Variants in RBFOX1 observed in about 807,000 individuals in gnomAD.
RBFOX1 encodes RNA binding protein fox-1 homolog 1.
Under a neutral mutation model 57.7 loss-of-function variants are expected in RBFOX1, and 8 were observed. The ratio of observed to expected loss-of-function variants is 0.14; its 90% CI spans 0.08 to 0.25. RBFOX1 has a LOEUF of 0.25. RBFOX1 is among the 10% of genes least tolerant of loss of function. The pLI is 1.00. For synonymous variants in RBFOX1, 326 were observed against 222.4 expected (o/e 1.47, Z -4.15); for missense variants, 611 against 548.5 (o/e 1.11, Z -1.14).
intron 4 of RBFOX1, among the ~76,000 whole-genome samples, chr16:6,012,160 A>G (rs557130137): frequency 1.3e-5 from 2 of 152,358 alleles, no homozygotes; most frequent in South Asian, 4.1e-4. Context: ...TTAATTGCTT[A>G]CTACCTTGGC....
intron 1 of RBFOX1, among the ~76,000 whole-genome samples, chr16:6,233,134 G>A (rs1185248832): frequency 5.3e-5 from 8 of 152,168 alleles, no homozygotes; most frequent in Admixed American, 4.6e-4. Flanking sequence ...GCTGGAAAGT[G>A]GGTATGAGCC....
At chr16:5,847,869 G>C (rs1384643497) in intron 3 of RBFOX1, among the ~76,000 whole-genome samples, 1 of 151,914 alleles carries the variant, frequency 6.6e-6, no homozygotes, top group Non-Finnish European at 1.5e-5. Context: ...GACTATGTTA[G>C]TCATTAGCAT....
chr16:7,192,856 A>T (rs186074337), intron 4 of RBFOX1, among the ~76,000 whole-genome samples: 1 of 152,342 alleles, frequency 6.6e-6, no homozygotes, highest in East Asian at 1.9e-4. Context: ...CGGAAGATGA[A>T]GTCCGAGGAT....
chr16:7,287,368 G>C (rs868769467), intron 4 of RBFOX1, among the ~76,000 whole-genome samples: 8 of 152,166 alleles, frequency 5.3e-5, no homozygotes, highest in Non-Finnish European at 7.3e-5. Context: ...GGATTCCATG[G>C]AGAGCAGCAG....
chr16:6,643,247 G>C (rs958368104), intron 2 of RBFOX1, among the ~76,000 whole-genome samples: 4 of 152,174 alleles, frequency 2.6e-5, no homozygotes, highest in African/African-American at 7.2e-5. Flanking sequence ...GGTGCTTTCG[G>C]TATTTTTTGC....
intron 14 of RBFOX1, among the ~76,000 whole-genome samples, chr16:7,706,253 T>C (rs2082400934): frequency 1.3e-5 from 2 of 152,212 alleles, no homozygotes; most frequent in South Asian, 2.1e-4. Flanking sequence ...TCTTTTCCTC[T>C]GGGGAAATGA....
At chr16:5,944,987 A>AAAAAAAAG (rs1555453186) in intron 4 of RBFOX1, among the ~76,000 whole-genome samples, 64 of 97,028 alleles carry the variant, frequency 6.6e-4, no homozygotes, top group Non-Finnish European at 1.1e-3. Flanking sequence ...AAAAAAAAAA[A>AAAAAAAAG]AGAGAGAGAG....
chr16:7,311,478 C>CCTT (rs1555696042), intron 4 of RBFOX1, among the ~76,000 whole-genome samples: 1 of 122,522 alleles, frequency 8.2e-6, no homozygotes. Flanking sequence ...TGAGCCTTTT[C>CCTT]TTTTTTTTTT....
intron 4 of RBFOX1, among the ~76,000 whole-genome samples, chr16:7,157,963 A>G (rs2077485541): frequency 6.6e-6 from 1 of 152,204 alleles, no homozygotes; most frequent in African/African-American, 2.4e-5. Flanking sequence ...AGATGATTTT[A>G]GATTTGTAGA....
intron 4 of RBFOX1, among the ~76,000 whole-genome samples, chr16:7,301,309 T>C (rs2096025644): frequency 6.6e-6 from 1 of 152,236 alleles, no homozygotes; most frequent in South Asian, 2.1e-4. Flanking sequence ...TGTGTGATTG[T>C]GTTTGCATGC....
intron 4 of RBFOX1, among the ~76,000 whole-genome samples, chr16:5,924,599 G>A (rs2058903581): frequency 6.6e-6 from 1 of 152,152 alleles, no homozygotes; most frequent in African/African-American, 2.4e-5. Context: ...GAAGTAGCCT[G>A]AAGCCCTCAG....
At chr16:5,459,448 A>T (rs868352885) in intron 1 of RBFOX1, among the ~76,000 whole-genome samples, 2 of 152,138 alleles carry the variant, frequency 1.3e-5, no homozygotes, top group Non-Finnish European at 2.9e-5. Context: ...TCAGGTCCCC[A>T]GATCCATGCT....
chr16:6,913,950 A>T (rs1469517932), intron 3 of RBFOX1, among the ~76,000 whole-genome samples: 1 of 152,218 alleles, frequency 6.6e-6, no homozygotes, highest in East Asian at 1.9e-4. Context: ...TATTATAATT[A>T]TGGATGATTT....
rs557263810 is a variant in RBFOX1 at position 7,520,399 on chromosome 16, C to T, written c.270+2010C>T. Among the ~76,000 whole-genome samples the T allele has an allele frequency of 4.6e-5, 7 of 152,166 alleles. No individual in the cohort carries two copies. The South Asian group carries it at 1.5e-3, about 32-fold the overall frequency. ...TGTTCCTAGCACCCCAAAAGGAAAC[C>T]CCATACCCACTAAGCAGACACTCCC... On this transcript the variant is annotated intron_variant, in intron 5 of 15. Transcript: ENST00000550418.
At chr16:6,690,651 A>G (rs2060072053) in intron 3 of RBFOX1, among the ~76,000 whole-genome samples, 1 of 151,940 alleles carries the variant, frequency 6.6e-6, no homozygotes, top group Non-Finnish European at 1.5e-5. Flanking sequence ...GGAATCATAA[A>G]CCTCTGCTTT....
At chr16:6,689,008 G>C (rs540478779) in intron 3 of RBFOX1, among the ~76,000 whole-genome samples, 2 of 152,272 alleles carry the variant, frequency 1.3e-5, no homozygotes, top group South Asian at 4.1e-4. Context: ...TGGTTTATAT[G>C]TGCTGCATTT....
intron 4 of RBFOX1, among the ~76,000 whole-genome samples, chr16:7,194,143 G>A (rs2086109840): frequency 6.6e-6 from 1 of 151,966 alleles, no homozygotes; most frequent in Non-Finnish European, 1.5e-5. Flanking sequence ...GTCTTTATTT[G>A]GTACTAGAGT....
intron 3 of RBFOX1, among the ~76,000 whole-genome samples, chr16:6,799,738 C>G (rs1034938628): frequency 1.3e-5 from 2 of 152,114 alleles, no homozygotes; most frequent in African/African-American, 2.4e-5. Flanking sequence ...ACTTCTTGCC[C>G]TTGACCATCA....
intron 1 of RBFOX1, among the ~76,000 whole-genome samples, chr16:6,061,478 C>T (rs1054453633): frequency 6.6e-5 from 10 of 151,548 alleles, no homozygotes; most frequent in African/African-American, 1.2e-4. Context: ...CATCTATTTT[C>T]ATTGTATAAC....
Sources: allele counts gnomAD v4.1 joint callset (sites outside exome capture counted in the v4.1 genomes callset), GRCh38; gene constraint gnomAD v4.1.1; transcripts MANE v1.5; gene names NCBI Gene and HGNC (gene_info 2026-07-23, HGNC 2026-07-21).